STIM2: variants seen among roughly 807,000 people sequenced by gnomAD.
STIM2 encodes the protein stromal interaction molecule 2.
Under a neutral mutation model 85.8 loss-of-function variants are expected in STIM2, and 31 were observed. The observed-to-expected ratio is 0.36, with a 90% CI of 0.27 to 0.49. The LOEUF (loss-of-function observed/expected upper bound fraction) is 0.49. Among genes scored for constraint, STIM2 ranks in the 20% least tolerant of loss-of-function variants. STIM2 has a pLI of 0.98. For missense variants in STIM2, 841 were observed against 927.6 expected (o/e 0.91, Z 1.21); for synonymous variants, 356 against 331.1 (o/e 1.08, Z -0.82).
intron 2 of STIM2, among the ~76,000 whole-genome samples, chr4:26,948,457 G>A (rs1009207592): frequency 3.9e-5 from 6 of 152,194 alleles, no homozygotes; most frequent in Non-Finnish European, 1.5e-5. Flanking sequence ...AAGAAGTAGT[G>A]TTCAAAATGA....
chr4:26,988,790 A>G (rs1325573481), intron 3 of STIM2, among the ~76,000 whole-genome samples: 1 of 152,230 alleles, frequency 6.6e-6, no homozygotes, highest in Non-Finnish European at 1.5e-5. Context: ...AGCAGTTTTC[A>G]TCGCTATCCT....
At chr4:27,022,225 C>T (rs1728937969) in intron 11 of STIM2, among the ~76,000 whole-genome samples, 1 of 152,076 alleles carries the variant, frequency 6.6e-6, no homozygotes, top group African/African-American at 2.4e-5. Flanking sequence ...AGCTGAATCA[C>T]CCGTAAAATT....
At chr4:27,005,981 A>G (rs1031459569) in intron 7 of STIM2, among the ~76,000 whole-genome samples, 3 of 152,156 alleles carry the variant, frequency 2.0e-5, no homozygotes, top group Non-Finnish European at 2.9e-5. Context: ...GGGCTTGCGG[A>G]CTTACATTTT....
intron 10 of STIM2, among the ~76,000 whole-genome samples, chr4:27,014,704 G>A (rs753356292): frequency 3.8e-4 from 57 of 151,796 alleles, no homozygotes; most frequent in Non-Finnish European, 7.4e-4. Context: ...CAGGTGTTAG[G>A]ATAAAATCTT....
At chr4:26,953,074 G>A (rs145294177) in intron 2 of STIM2, among the ~76,000 whole-genome samples, 12 of 152,240 alleles carry the variant, frequency 7.9e-5, no homozygotes, top group African/African-American at 1.7e-4. Flanking sequence ...CTTGGACATT[G>A]TGTTGTTTTG....
intron 7 of STIM2, among the ~76,000 whole-genome samples, chr4:27,007,177 C>CT (rs147979817): frequency 3.3e-5 from 5 of 152,030 alleles, no homozygotes; most frequent in Admixed American, 6.5e-5. Context: ...ATACCCTTGA[C>CT]TTTTTTTTCC....
At chr4:26,875,730 T>C (rs1722793195) in intron 1 of STIM2, among the ~76,000 whole-genome samples, 1 of 152,178 alleles carries the variant, frequency 6.6e-6, no homozygotes. Context: ...CTAATTATTA[T>C]GGGGATGTTC....
chr4:26,899,099 C>A (rs1723823952), intron 1 of STIM2, among the ~76,000 whole-genome samples: 1 of 151,906 alleles, frequency 6.6e-6, no homozygotes, highest in Admixed American at 6.6e-5. Context: ...GATTATTTAT[C>A]AAGATTAAGG....
chr4:26,985,089 A>G (rs1164469116), intron 3 of STIM2, among the ~76,000 whole-genome samples: 1 of 152,214 alleles, frequency 6.6e-6, no homozygotes, highest in Non-Finnish European at 1.5e-5. Context: ...TGAGGAGCTC[A>G]CATTCTGGCA....
chr4:26,947,356 T>C (rs1271942377), intron 2 of STIM2, among the ~76,000 whole-genome samples: 2 of 152,230 alleles, frequency 1.3e-5, no homozygotes, highest in East Asian at 3.8e-4. Flanking sequence ...AAAATTATAA[T>C]AAATTCATAT....
chr4:26,869,212 A>T (rs1182398911), intron 1 of STIM2, among the ~76,000 whole-genome samples: 1 of 149,010 alleles, frequency 6.7e-6, no homozygotes, highest in East Asian at 2.0e-4. Context: ...TGGGAGAATC[A>T]CCTGAGCCTG....
chr4:27,002,352 G>T lies in STIM2; in HGVS notation c.761G>T (p.Ser254Ile). The stretch of plus-strand genomic sequence containing the variant: ...GCAAAAATGATGAAAGATTTAGAGA[G>T]CTTACAAACTGCAGAGCAAAGTCTA... Residue 254 changes from serine (S) to isoleucine (I), a missense_variant, in exon 6 of 12, where the codon AGC becomes ATC. Ser to Ile is a moderately radical substitution (Grantham distance 142, BLOSUM62 -2). Transcript: ENST00000467087. 6.2e-7 allele frequency: 1 copy of T among 1,612,556 alleles called. No individual in the cohort carries two copies. The highest frequency in any genetic ancestry group is 8.5e-7 in the Non-Finnish European group (1 of 1,179,586).
In STIM2 at chr4:27,017,937, A is replaced by T; in HGVS notation, c.1716A>T (p.Arg572=). The change falls in exon 11 of 12, where the codon CGA becomes CGT. Residue 572 remains arginine, a synonymous_variant. Coordinates refer to ENST00000467087, the MANE Select transcript of STIM2 (RefSeq NM_020860.4). The stretch of plus-strand genomic sequence containing the variant: ...TGTCAAGTTGCCCTGCGCTTTATCG[A>T]AATGAAGAGGAGGAAGAGGCCATTT... 6.2e-7 allele frequency: 1 copy of T among 1,614,118 alleles called. No individual in the cohort carries two copies. The highest frequency in any genetic ancestry group is 1.7e-5 in the Admixed American group (1 of 60,004).
At chr4:26,952,394 C>A (rs1471755112) in intron 2 of STIM2, among the ~76,000 whole-genome samples, 1 of 151,958 alleles carries the variant, frequency 6.6e-6, no homozygotes, top group Admixed American at 6.6e-5. Context: ...AGAAATCATA[C>A]AGAATATGTA....
intron 1 of STIM2, among the ~76,000 whole-genome samples, chr4:26,914,868 A>G (rs1348204955): frequency 6.6e-6 from 1 of 152,226 alleles, no homozygotes; most frequent in Admixed American, 6.5e-5. Flanking sequence ...TGTGAATATC[A>G]TTCCACAGGT....
At chr4:26,934,202 A>G (rs1419203471) in intron 2 of STIM2, among the ~76,000 whole-genome samples, 1 of 152,234 alleles carries the variant, frequency 6.6e-6, no homozygotes, top group East Asian at 1.9e-4. Flanking sequence ...AAAAAAAGAA[A>G]AAAAAATACC....
chr4:26,887,008 G>C (rs1338437444), intron 1 of STIM2, among the ~76,000 whole-genome samples: 1 of 152,014 alleles, frequency 6.6e-6, no homozygotes, highest in Non-Finnish European at 1.5e-5. Context: ...AAGCCCTTCT[G>C]TTCTGTTGTC....
At chr4:26,952,826 A>G (rs1292696206) in intron 2 of STIM2, among the ~76,000 whole-genome samples, 1 of 152,130 alleles carries the variant, frequency 6.6e-6, no homozygotes, top group Non-Finnish European at 1.5e-5. Flanking sequence ...AGACTTTAGA[A>G]TTCTTTAAAA....
chr4:26,987,498 A>G (rs762102441), intron 3 of STIM2, among the ~76,000 whole-genome samples: 1 of 151,574 alleles, frequency 6.6e-6, no homozygotes, highest in African/African-American at 2.4e-5. Flanking sequence ...ACCTCCCCAT[A>G]CTCTCTCATC....
Sources: gnomAD v4.1 joint callset for allele counts (sites outside exome capture counted in the v4.1 genomes callset) on GRCh38, gnomAD v4.1.1 for gene constraint, MANE v1.5 for transcripts, NCBI Gene and HGNC (gene_info 2026-07-23, HGNC 2026-07-21) for gene names.